The following AGPAT3 variants were observed in gnomAD, a reference collection of about 807,000 sequenced individuals.
The protein encoded by AGPAT3 is 1-acylglycerol-3-phosphate O-acyltransferase 3, also known as 1-acyl-sn-glycerol-3-phosphate acyltransferase gamma.
AGPAT3 carries 5 observed loss-of-function variants against 47.3 expected under a neutral mutation model. That is an observed-to-expected ratio of 0.11 (90% confidence interval 0.06 to 0.22). The LOEUF (loss-of-function observed/expected upper bound fraction) is 0.22, where lower values mean the gene tolerates loss of function less well. AGPAT3 is among the 10% of genes least tolerant of loss of function. AGPAT3 has a pLI of 1.00. For synonymous variants in AGPAT3, 212 were observed against 208.3 expected, an observed-to-expected ratio of 1.02 and a Z score of -0.15; for missense variants, 315 against 493.0, an observed-to-expected ratio of 0.64 and a Z score of 3.42.
chr21:43,885,969 C>A (rs377147932), intron 1 of AGPAT3, among the ~76,000 whole-genome samples: 1 of 152,206 alleles, frequency 6.6e-6, no homozygotes, highest in Non-Finnish European at 1.5e-5. Flanking sequence ...GGGAAGGTTG[C>A]CCGGTCAGGG....
chr21:43,969,324 C>A lies in AGPAT3; in HGVS notation c.510+45C>A, dbSNP rs112366849. 3.0e-3 allele frequency: 4,758 copies of A among 1,606,080 alleles called. 34 individuals carry two copies. In the Middle Eastern group the frequency reaches 0.031, roughly 11 times the overall value. On this transcript the variant is annotated intron_variant, in intron 5 of 9. Coordinates refer to ENST00000291572, the MANE Select transcript of AGPAT3 (RefSeq NM_020132.5). ...CGATACCCTGCATGCCTGGAGGAGG[C>A]CACGCCAACTCCTGATGCACGGCTG...
intron 1 of AGPAT3, among the ~76,000 whole-genome samples, chr21:43,903,531 G>T (rs3788076): frequency 0.028 from 4,204 of 152,340 alleles, 172 homozygotes; most frequent in African/African-American, 0.081. Flanking sequence ...CAGGGCTGCG[G>T]CTGGCAGGGC....
At chr21:43,945,752 G>A (rs2087857257) in intron 2 of AGPAT3, among the ~76,000 whole-genome samples, 1 of 152,238 alleles carries the variant, frequency 6.6e-6, no homozygotes, top group South Asian at 2.1e-4. Flanking sequence ...GCCTCAGGGT[G>A]CCTGTAGAAT....
chr21:43,926,585 A>G (rs1315302146), intron 2 of AGPAT3, among the ~76,000 whole-genome samples: 1 of 149,804 alleles, frequency 6.7e-6, no homozygotes, highest in East Asian at 2.0e-4. Context: ...GGCATTTAAG[A>G]AAAGAGCTCT....
At chr21:43,887,410 G>A (rs1223140353) in intron 1 of AGPAT3, among the ~76,000 whole-genome samples, 1 of 152,194 alleles carries the variant, frequency 6.6e-6, no homozygotes, top group African/African-American at 2.4e-5. Context: ...GCAAATGTAG[G>A]TTGACTAATA....
intron 1 of AGPAT3, among the ~76,000 whole-genome samples, chr21:43,903,464 C>T (rs888894210): frequency 6.6e-6 from 1 of 152,254 alleles, no homozygotes; most frequent in African/African-American, 2.4e-5. Context: ...TGGTTGCCGG[C>T]AGGCAGGCTA....
chr21:43,918,938 C>CT (rs1448711984), intron 2 of AGPAT3, among the ~76,000 whole-genome samples: 1 of 151,836 alleles, frequency 6.6e-6, no homozygotes, highest in Non-Finnish European at 1.5e-5. Context: ...ACTTTTTTTT[C>CT]TTTTTTTGTC....
chr21:43,924,190 AT>A (rs35611407), intron 2 of AGPAT3, among the ~76,000 whole-genome samples: 103,670 of 141,902 alleles, frequency 0.73, 37,388 homozygotes, highest in South Asian at 0.81. Context: ...ATTTTTTTGT[AT>A]TTTTTTTTTT....
rs61737069 is a variant in AGPAT3, at chr21:43,969,153, C to T, written c.384C>T (p.Tyr128=). 28,852 of 1,614,206 alleles carry T rather than the reference C, an allele frequency of 0.018. 310 individuals carry two copies. Among genetic ancestry groups the T allele is most frequent in the South Asian group, 0.026 (2,384 of 91,088 alleles). The change falls in exon 5 of 10, where the codon TAC becomes TAT. Residue 128 remains tyrosine (Y), a synonymous_variant. Coordinates refer to ENST00000291572, the MANE Select transcript of AGPAT3 (RefSeq NM_020132.5). ...SKVLAKKELL[Y]VPLIGWTWYF... ...TCCTCGCTAAGAAGGAGCTGCTCTACGTGCCCCTCATCGGCTGGACGTGGT... is the reference window on the plus strand; with the variant it reads ...TCCTCGCTAAGAAGGAGCTGCTCTATGTGCCCCTCATCGGCTGGACGTGGT...
In AGPAT3 at chr21:43,923,053, CTG is replaced by C. The variant is rs1179763929; in HGVS notation, c.-49+19037_-49+19038del. Reference sequence around the variant, plus strand: ...CCCAAAGAAAACCAGCTGCAGGTGTCTGTGCTGGCACAAGGAGAACAAACCCA... The same window carrying C: ...CCCAAAGAAAACCAGCTGCAGGTGTCTGCTGGCACAAGGAGAACAAACCCA... On this transcript the variant is annotated intron_variant, in intron 2 of 9. Transcript: ENST00000291572. 2.6e-5 allele frequency among the ~76,000 whole-genome samples: 4 copies of C among 152,324 alleles called. No individual in the cohort carries two copies. In the East Asian group the frequency reaches 7.7e-4, roughly 29 times the overall value.
chr21:43,903,857 A>AG (rs1259683841), intron 1 of AGPAT3, 100 bp from the exon 2 acceptor site: 1 of 152,318 alleles, frequency 6.6e-6, no homozygotes, highest in African/African-American at 2.4e-5. Flanking sequence ...TCTCCCTGAC[A>AG]TGCAGCCTTT....
chr21:43,883,179 C>T (rs764347656), intron 1 of AGPAT3, among the ~76,000 whole-genome samples: 3 of 152,160 alleles, frequency 2.0e-5, no homozygotes, highest in Non-Finnish European at 4.4e-5. Context: ...CTCCACTGCG[C>T]ATGCTCTGTG....
chr21:43,892,239 G>A (rs8127906), intron 1 of AGPAT3, among the ~76,000 whole-genome samples: 17,579 of 151,654 alleles, frequency 0.12, 2,072 homozygotes, highest in African/African-American at 0.3. Flanking sequence ...TCTGGGAGGC[G>A]GAGGTTGCAG....
chr21:43,956,080 G>T (rs1013578142), intron 2 of AGPAT3, among the ~76,000 whole-genome samples: 1 of 152,172 alleles, frequency 6.6e-6, no homozygotes, highest in African/African-American at 2.4e-5. Context: ...GCCCCTGGGT[G>T]AGGACCACCT....
intron 6 of AGPAT3, among the ~76,000 whole-genome samples, chr21:43,971,186 C>T (rs1248792870): frequency 6.6e-6 from 1 of 152,194 alleles, no homozygotes; most frequent in Non-Finnish European, 1.5e-5. Context: ...TAAATGCCCT[C>T]ACCAACAGAG....
chr21:43,867,123 TC>T (rs1246240420), intron 1 of AGPAT3: 1 of 152,272 alleles, frequency 6.6e-6, no homozygotes, highest in African/African-American at 2.4e-5. Flanking sequence ...AGTAATCTGT[TC>T]CGTCCCTGCC....
At position 43,982,362 on chromosome 21, in the gene AGPAT3, C is replaced by T. The variant is rs758583005; in HGVS notation, c.1101C>T (p.Tyr367=). 10 of 1,613,792 alleles carry T rather than the reference C, an allele frequency of 6.2e-6. No homozygotes were observed. The highest frequency in any genetic ancestry group is 1.6e-4 in the Middle Eastern group (1 of 6,084). ...CTGAGATAGAAAAAGGCTCCAGCTACGGAAACCAAGAGTTTAAGAAAAAGG... is the reference window on the plus strand; with the variant it reads ...CTGAGATAGAAAAAGGCTCCAGCTATGGAAACCAAGAGTTTAAGAAAAAGG... ...GVTEIEKGSS[Y]GNQEFKKKE Residue 367 remains tyrosine, a synonymous_variant, in exon 10 of 10, where the codon TAC becomes TAT. Transcript: ENST00000291572. This position sits in a 1 kb window ranked among gnomAD's most constrained non-coding sequence, Gnocchi z 6.2.
In AGPAT3 at chr21:43,980,994, G is replaced by A. The variant is rs757098163; in HGVS notation, c.849G>A (p.Ala283=). The A allele has an allele frequency of 4.3e-6, 7 of 1,613,890 alleles. No homozygotes were observed. Among genetic ancestry groups the A allele is most frequent in the Admixed American group, 3.3e-5 (2 of 59,988 alleles). Residue 283 remains alanine, a synonymous_variant, in exon 9 of 10, where the codon GCG becomes GCA. Transcript: ENST00000291572. Reference sequence around the variant, plus strand: ...TTCTCTGTTGACTCTTCTAGGACGCGCTCCAGGAGATATATAATCAGAAGG... The same window carrying A: ...TTCTCTGTTGACTCTTCTAGGACGCACTCCAGGAGATATATAATCAGAAGG... ...WLHKLYQEKD[A]LQEIYNQKGM...
Position 43,955,068 on chromosome 21 carries a change from G to T in AGPAT3, c.-48-4566G>T. 8.0e-7 allele frequency: 1 copy of T among 1,242,898 alleles called. No homozygotes were observed. Among genetic ancestry groups the T allele is most frequent in the Non-Finnish European group, 1.0e-6 (1 of 959,264 alleles). 77.0% of individuals were successfully genotyped at this position (1,242,898 alleles called of 1,614,324 possible). A position where few individuals can be genotyped will look rare whatever the true frequency, so the allele number is the denominator to read the frequency against. ...CTCTATCTGTGGCCCCCAAAGGCTG[G>T]GTGCCAGCTGCCTGTCGGCAGGGAG... On this transcript the variant is annotated intron_variant, in intron 2 of 9. Coordinates refer to ENST00000291572, the MANE Select transcript of AGPAT3 (RefSeq NM_020132.5). The surrounding 1 kb of genome is among the most constrained non-coding windows in gnomAD (Gnocchi z 4.1).
Sources: allele counts gnomAD v4.1 joint callset (sites outside exome capture counted in the v4.1 genomes callset), GRCh38; gene constraint gnomAD v4.1.1; non-coding constraint Gnocchi (gnomAD v3.1); transcripts MANE v1.5; gene names NCBI Gene and HGNC (gene_info 2026-07-23, HGNC 2026-07-21).